Variants in ACACA observed in about 807,000 individuals in gnomAD.
ACACA encodes acetyl-CoA carboxylase 1.
A neutral mutation model predicts 296.1 loss-of-function variants in ACACA; 103 were observed. The observed-to-expected ratio is 0.35, with a 90% CI of 0.30 to 0.41. The LOEUF (loss-of-function observed/expected upper bound fraction) is 0.41, where lower values mean the gene tolerates loss of function less well. ACACA is among the 10% of genes least tolerant of loss of function. The probability of loss-of-function intolerance (pLI) is 1.00; values close to 1 mark genes in which losing one functional copy is unlikely to be tolerated. For missense variants in ACACA, 1,554 were observed against 2,989.7 expected (o/e 0.52, Z 11.20); for synonymous variants, 953 against 1,038.6 (o/e 0.92, Z 1.58).
At chr17:37,322,510 C>A (rs1056914809) in intron 3 of ACACA, among the ~76,000 whole-genome samples, 4 of 152,112 alleles carry the variant, frequency 2.6e-5, no homozygotes, top group African/African-American at 9.7e-5. Flanking sequence ...AGGGCTCCAC[C>A]TTTGACCTGT....
chr17:37,134,616 C>A (rs963029856), intron 45 of ACACA, among the ~76,000 whole-genome samples: 3 of 152,180 alleles, frequency 2.0e-5, no homozygotes, highest in Non-Finnish European at 4.4e-5. Flanking sequence ...AAAATGAAAT[C>A]TATTCCTTCT....
At chr17:37,319,152 G>A (rs2047230083) in intron 3 of ACACA, among the ~76,000 whole-genome samples, 1 of 152,222 alleles carries the variant, frequency 6.6e-6, no homozygotes, top group African/African-American at 2.4e-5. Flanking sequence ...AAGGTGGGGG[G>A]TGGTAATGTG....
intron 24 of ACACA, among the ~76,000 whole-genome samples, chr17:37,240,156 T>C (rs1373977505): frequency 2.0e-5 from 3 of 152,200 alleles, no homozygotes; most frequent in Admixed American, 6.5e-5. Context: ...CAGCCTGTGA[T>C]GACTCAACCA....
chr17:37,392,749 G>T (rs969397439), intron 1 of ACACA: 2 of 151,934 alleles, frequency 1.3e-5, no homozygotes, highest in African/African-American at 4.8e-5. Flanking sequence ...TACCAACAGG[G>T]GAAAATCTCA....
intron 52 of ACACA, among the ~76,000 whole-genome samples, chr17:37,099,642 CTGATGGG>C (rs2073237840): frequency 6.9e-6 from 1 of 145,114 alleles, no homozygotes; most frequent in African/African-American, 2.6e-5. Context: ...GGAGGGAGGG[CTGATGGG>C]AGGAGGGCTG....
chr17:37,118,382 T>C (rs2074358896), intron 50 of ACACA, among the ~76,000 whole-genome samples: 1 of 152,238 alleles, frequency 6.6e-6, no homozygotes, highest in Non-Finnish European at 1.5e-5. Flanking sequence ...TGCCACTGAA[T>C]TGTACACTTA....
chr17:37,174,003 T>C (rs1265643810), intron 41 of ACACA, among the ~76,000 whole-genome samples: 1 of 13,226 alleles, frequency 7.6e-5, no homozygotes, highest in African/African-American at 4.8e-4. Flanking sequence ...TATATATATA[T>C]ATATATATAT....
At chr17:37,155,936 G>C (rs2076224281) in intron 42 of ACACA, among the ~76,000 whole-genome samples, 156 bp from the exon 43 acceptor site, 1 of 151,828 alleles carries the variant, frequency 6.6e-6, no homozygotes, top group African/African-American at 2.4e-5. Flanking sequence ...AGCACAGACA[G>C]TCCTCCTTTG....
rs144263566 is a variant in ACACA, at chr17:37,133,324, G to T, written c.5680-3106C>A. 7.2e-5 allele frequency among the ~76,000 whole-genome samples: 11 copies of T among 152,318 alleles called. No individual in the cohort carries two copies. The East Asian group carries it at 2.1e-3, about 29-fold the overall frequency. ...CAATGACCACATGTTTGGAGTATGC[G>T]CCAGTAGAATGAGGGCGCACACAAT... On this transcript the variant is annotated intron_variant, in intron 45 of 55. Transcript: ENST00000616317.
chr17:37,328,971 C>A (rs956996351), intron 3 of ACACA: 22 of 398,438 alleles, frequency 5.5e-5, no homozygotes, highest in Admixed American at 8.8e-5. Flanking sequence ...CTGATCCAGA[C>A]CTTTTAATCC....
intron 1 of ACACA, among the ~76,000 whole-genome samples, chr17:37,374,137 T>C (rs1379772580): frequency 6.6e-6 from 1 of 152,088 alleles, no homozygotes; most frequent in Non-Finnish European, 1.5e-5. Flanking sequence ...GGTGGGCAGA[T>C]TACTGGAGCT....
intron 33 of ACACA, among the ~76,000 whole-genome samples, chr17:37,205,564 T>C (rs766981411): frequency 6.6e-6 from 1 of 152,208 alleles, no homozygotes; most frequent in Non-Finnish European, 1.5e-5. Context: ...ATTTGAGGTC[T>C]ATTATCTGTT....
chr17:37,203,110 C>T (rs1034956675), intron 33 of ACACA, among the ~76,000 whole-genome samples: 3 of 151,852 alleles, frequency 2.0e-5, no homozygotes, highest in Non-Finnish European at 4.4e-5. Flanking sequence ...TACAGGCGCC[C>T]GCCACCACAC....
intron 55 of ACACA, 112 bp downstream of exon 55, chr17:37,088,826 A>G (rs1336757172): frequency 8.6e-6 from 12 of 1,391,462 alleles, no homozygotes; most frequent in Non-Finnish European, 1.0e-5. Context: ...AAACAGCAAG[A>G]GACTGCAGAG....
chr17:37,324,931 C>T (rs1320217203), intron 3 of ACACA, among the ~76,000 whole-genome samples: 2 of 150,098 alleles, frequency 1.3e-5, no homozygotes, highest in African/African-American at 4.9e-5. Context: ...GGGCTGGGCA[C>T]AGTGGCTCAC....
intron 1 of ACACA, among the ~76,000 whole-genome samples, chr17:37,370,133 A>C (rs2049750401): frequency 6.6e-6 from 1 of 150,518 alleles, no homozygotes; most frequent in South Asian, 2.1e-4. Context: ...CAGACTCCTG[A>C]GTAGCTGCAC....
chr17:37,174,542 C>CT (rs899848609), intron 41 of ACACA, among the ~76,000 whole-genome samples: 10 of 150,418 alleles, frequency 6.6e-5, no homozygotes, highest in South Asian at 2.1e-4. Context: ...TTTTCTTTTT[C>CT]TTTTTTTTTG....
At chr17:37,255,910 C>T (rs1302495540) in intron 14 of ACACA, among the ~76,000 whole-genome samples, 1 of 152,030 alleles carries the variant, frequency 6.6e-6, no homozygotes, top group African/African-American at 2.4e-5. Flanking sequence ...CCACACCTGG[C>T]TAATTTTTGT....
intron 1 of ACACA, among the ~76,000 whole-genome samples, chr17:37,373,018 C>A (rs2049862079): frequency 6.6e-6 from 1 of 151,384 alleles, no homozygotes; most frequent in South Asian, 2.1e-4. Context: ...GTAGCTGGGA[C>A]TATAGGCATG....
Sources: gnomAD v4.1 joint callset for allele counts (sites outside exome capture counted in the v4.1 genomes callset) on GRCh38, gnomAD v4.1.1 for gene constraint, MANE v1.5 for transcripts, NCBI Gene and HGNC (gene_info 2026-07-23, HGNC 2026-07-21) for gene names.